SCMH1: variants seen among roughly 807,000 people sequenced by gnomAD.
The protein encoded by SCMH1 is polycomb protein SCMH1.
Under a neutral mutation model 70.8 loss-of-function variants are expected in SCMH1, and 37 were observed. The ratio of observed to expected loss-of-function variants is 0.52; its 90% confidence interval spans 0.40 to 0.69. SCMH1 has a LOEUF of 0.69. SCMH1 is among the 30% of genes least tolerant of loss of function. The probability of loss-of-function intolerance (pLI) is 0.00; values close to 1 mark genes in which losing one functional copy is unlikely to be tolerated. For synonymous variants in SCMH1, 292 were observed against 307.4 expected, an observed-to-expected ratio of 0.95 and a Z score of 0.52; for missense variants, 607 against 827.3, an observed-to-expected ratio of 0.73 and a Z score of 3.27.
intron 1 of SCMH1, among the ~76,000 whole-genome samples, chr1:41,228,663 T>C (rs982799001): frequency 6.6e-6 from 1 of 151,294 alleles, no homozygotes. Context: ...TGCGCACCTG[T>C]GGTTCCAGGT....
At chr1:41,133,603 A>G (rs527933159) in intron 6 of SCMH1, among the ~76,000 whole-genome samples, 24 of 152,208 alleles carry the variant, frequency 1.6e-4, no homozygotes, top group Non-Finnish European at 2.6e-4. Context: ...GATAAAGTGG[A>G]TATCACCACT....
intron 1 of SCMH1, among the ~76,000 whole-genome samples, chr1:41,214,863 A>G (rs1657769326): frequency 1.3e-5 from 2 of 152,210 alleles, no homozygotes; most frequent in South Asian, 4.1e-4. Flanking sequence ...ATGTAAATAT[A>G]AAGTGTTTGA....
chr1:41,123,208 C>T (rs72663781), intron 6 of SCMH1, among the ~76,000 whole-genome samples: 16,217 of 152,092 alleles, frequency 0.11, 994 homozygotes, highest in South Asian at 0.18. Context: ...AGTGACACAG[C>T]GAGACTCTGC....
At position 41,130,705 on chromosome 1, in the gene SCMH1, C is replaced by G. The variant is rs1011060455; in HGVS notation, c.412+12173G>C. Among the ~76,000 whole-genome samples the G allele has an allele frequency of 3.9e-5, 6 of 152,268 alleles. No individual in the cohort carries two copies. In the East Asian group the frequency reaches 5.8e-4, roughly 15 times the overall value. ...TGGGTTTTAGTACTCTGTGAACATACAAAGTGTGCAAACATCACTTTATCT... is the reference window on the plus strand; with the variant it reads ...TGGGTTTTAGTACTCTGTGAACATAGAAAGTGTGCAAACATCACTTTATCT... On this transcript the variant is annotated intron_variant, in intron 6 of 14. Transcript: ENST00000337495.
At chr1:41,034,167 G>T in intron 13 of SCMH1, 119 bp from the exon 14 acceptor site, 1 of 1,359,126 alleles carries the variant, frequency 7.4e-7, no homozygotes, top group Non-Finnish European at 9.8e-7. Context: ...GGGAGCCGAG[G>T]CTAGAATCAG....
At chr1:41,160,997 G>T in intron 3 of SCMH1, 99 bp from the exon 4 acceptor site, 3 of 1,177,064 alleles carry the variant, frequency 2.5e-6, no homozygotes, top group Non-Finnish European at 2.5e-6. Context: ...TCGAGTATTT[G>T]TCTAGTTCAG....
At chr1:41,205,138 G>A (rs915001816) in intron 1 of SCMH1, among the ~76,000 whole-genome samples, 9 of 152,158 alleles carry the variant, frequency 5.9e-5, no homozygotes, top group Admixed American at 3.3e-4. Context: ...TGCAGAATAC[G>A]GGTGATTTCT....
chr1:41,160,699 T>G (rs1270308313), intron 4 of SCMH1, among the ~76,000 whole-genome samples, 176 bp downstream of exon 4: 1 of 152,186 alleles, frequency 6.6e-6, no homozygotes, highest in East Asian at 1.9e-4. Flanking sequence ...CAGGACTTGA[T>G]GTGACAGCTG....
intron 2 of SCMH1, among the ~76,000 whole-genome samples, chr1:41,171,003 T>C (rs1461664880): frequency 2.6e-5 from 4 of 152,242 alleles, no homozygotes; most frequent in Non-Finnish European, 1.5e-5. Flanking sequence ...TGTCATCTTG[T>C]TACTTTTTGT....
intron 2 of SCMH1, among the ~76,000 whole-genome samples, chr1:41,179,756 T>A (rs1407798025): frequency 1.3e-5 from 2 of 152,130 alleles, no homozygotes; most frequent in African/African-American, 4.8e-5. Context: ...CTGGACCAGA[T>A]GGATTCACAG....
chr1:41,052,603 G>A (rs757443344), intron 10 of SCMH1, among the ~76,000 whole-genome samples: 4 of 152,178 alleles, frequency 2.6e-5, no homozygotes, highest in Non-Finnish European at 5.9e-5. Flanking sequence ...TAAGTAATAC[G>A]TGAGTGTATA....
At position 41,113,271 on chromosome 1, in the gene SCMH1, A is replaced by G. The variant is rs1669673909; in HGVS notation, c.745+12T>C. The G allele has an allele frequency of 4.3e-6, 7 of 1,611,640 alleles. No homozygotes were observed. The African/African-American group carries it at 5.3e-5, about 12-fold the overall frequency. ...GGGTCCTGATTTCAAGAGCACGTAG[A>G]TGGGCCTTTACCTTTGGTGCCAGGA... On this transcript the variant is annotated intron_variant, in intron 8 of 14. Transcript: ENST00000337495. The surrounding 1 kb of genome is among the most constrained non-coding windows in gnomAD (Gnocchi z 4.3).
chr1:41,138,685 G>C (rs1462857895), intron 6 of SCMH1, among the ~76,000 whole-genome samples: 1 of 151,922 alleles, frequency 6.6e-6, no homozygotes, highest in African/African-American at 2.4e-5. Flanking sequence ...TGCATGTCTA[G>C]CTTGACTTTT....
At chr1:41,080,841 T>C (rs552093131) in intron 8 of SCMH1, among the ~76,000 whole-genome samples, 42 of 152,284 alleles carry the variant, frequency 2.8e-4, no homozygotes, top group Admixed American at 2.0e-4. Flanking sequence ...TGAACACTTC[T>C]TATTGAATTA....
intron 2 of SCMH1, among the ~76,000 whole-genome samples, chr1:41,167,744 T>C (rs1332963369): frequency 1.3e-5 from 2 of 152,162 alleles, no homozygotes; most frequent in Non-Finnish European, 2.9e-5. Context: ...TATACTTTCA[T>C]GTTTTCACGT....
intron 2 of SCMH1, among the ~76,000 whole-genome samples, chr1:41,175,071 G>T (rs190207819): frequency 1.3e-5 from 2 of 152,320 alleles, no homozygotes; most frequent in Admixed American, 6.5e-5. Context: ...CAACTTAACT[G>T]GGCTAAGGGA....
At chr1:41,163,793 T>C (rs980728982) in intron 2 of SCMH1, among the ~76,000 whole-genome samples, 3 of 152,110 alleles carry the variant, frequency 2.0e-5, no homozygotes, top group Non-Finnish European at 4.4e-5. Context: ...ACAGCAGCCC[T>C]GGAAACTTAG....
chr1:41,143,363 TTAAA>T (rs1335913474), intron 5 of SCMH1, among the ~76,000 whole-genome samples: 1 of 152,190 alleles, frequency 6.6e-6, no homozygotes, highest in Non-Finnish European at 1.5e-5. Flanking sequence ...GGCCAGTTAA[TTAAA>T]TGTTTTCTCA....
At chr1:41,223,653 A>G (rs1474172609) in intron 1 of SCMH1, among the ~76,000 whole-genome samples, 1 of 152,150 alleles carries the variant, frequency 6.6e-6, no homozygotes, top group Non-Finnish European at 1.5e-5. Context: ...GTTGCTCAGT[A>G]AGTACTGATT....
Sources: allele counts gnomAD v4.1 joint callset (sites outside exome capture counted in the v4.1 genomes callset), GRCh38; gene constraint gnomAD v4.1.1; non-coding constraint Gnocchi (gnomAD v3.1); transcripts MANE v1.5; gene names NCBI Gene and HGNC (gene_info 2026-07-23, HGNC 2026-07-21).